TBX1: variants seen among roughly 807,000 people sequenced by gnomAD.
TBX1 encodes T-box transcription factor 1.
A neutral mutation model predicts 40.8 loss-of-function variants in TBX1; 16 were observed. The observed-to-expected ratio is 0.39, with a 90% CI of 0.27 to 0.60. The LOEUF (loss-of-function observed/expected upper bound fraction) is 0.60, where lower values mean the gene tolerates loss of function less well. TBX1 is among the 20% of genes least tolerant of loss of function. TBX1 has a pLI of 0.51. For missense variants in TBX1, 755 were observed against 728.5 expected, an observed-to-expected ratio of 1.04 and a Z score of -0.42; for synonymous variants, 403 against 336.8, an observed-to-expected ratio of 1.20 and a Z score of -2.15.
In TBX1 at chr22:19,767,022, C is replaced by T. The variant is rs1936885384; in HGVS notation, c.*155C>T. The T allele has an allele frequency of 7.4e-7, 1 of 1,354,104 alleles. No homozygotes were observed. The highest frequency in any genetic ancestry group is 9.5e-7 in the Non-Finnish European group (1 of 1,056,054). 83.9% of individuals were successfully genotyped at this position (1,354,104 alleles called of 1,614,324 possible). ...CCCCAGCCTCGAAGCCATGGGGGCCCCCTCGCCACCCCCAGCCCCTTGGGC... is the reference window on the plus strand; with the variant it reads ...CCCCAGCCTCGAAGCCATGGGGGCCTCCTCGCCACCCCCAGCCCCTTGGGC... On this transcript the variant is annotated 3_prime_UTR_variant, in exon 7 of 7. Transcript: ENST00000649276.
intron 8 of TBX1, among the ~76,000 whole-genome samples, chr22:19,773,055 C>G (rs1224408069): frequency 2.0e-5 from 3 of 152,224 alleles, no homozygotes; most frequent in Non-Finnish European, 4.4e-5. Flanking sequence ...AGAGTGGCCG[C>G]TAGCTGGTGG....
chr22:19,759,626 C>T (rs773143767), upstream of TBX1: 3 of 1,611,760 alleles, frequency 1.9e-6, no homozygotes, highest in African/African-American at 1.3e-5. Context: ...TCGCTGGCTG[C>T]CAGGATCCCC....
chr22:19,765,121 C>A lies in TBX1; in HGVS notation c.867+8C>A. ...GCCTACCAGAACCATCGGGTGAGGGCCTGTGGGGAGGACCTGAGCGGATTC... is the reference window on the plus strand; with the variant it reads ...GCCTACCAGAACCATCGGGTGAGGGACTGTGGGGAGGACCTGAGCGGATTC... On this transcript the variant is annotated splice_region_variant and intron_variant, in intron 4 of 6. Coordinates refer to ENST00000649276, the MANE Select transcript of TBX1 (RefSeq NM_001379200.1). The A allele has an allele frequency of 6.2e-7, 1 of 1,614,138 alleles. No homozygotes were observed. Among genetic ancestry groups the A allele is most frequent in the Non-Finnish European group, 8.5e-7 (1 of 1,180,018 alleles).
chr22:19,766,353 C>A, intron 6 of TBX1, 36 bp from the exon 7 acceptor site: 1 of 1,253,026 alleles, frequency 8.0e-7, no homozygotes, highest in Non-Finnish European at 1.0e-6. Context: ...TCGGCGGCCC[C>A]GGCCGGCCGC....
At chr22:19,776,382 A>T (rs898653149) in intron 8 of TBX1, among the ~76,000 whole-genome samples, 1 of 152,174 alleles carries the variant, frequency 6.6e-6, no homozygotes, top group Admixed American at 6.5e-5. Context: ...CAAAAGTGCC[A>T]AAGTGTCCAT....
rs1210841329 is a variant in TBX1, at chr22:19,760,901, G to A, written c.58G>A (p.Ala20Thr). Residue 20 changes from alanine to threonine, a missense_variant, in exon 1 of 7, where the codon GCA (alanine) becomes ACA (threonine). Transcript: ENST00000649276. Reference sequence around the variant, plus strand: ...GCAGCTCTCGCATTTCTGCGACGTTGCAGCCTTCACGGCCAGCAGCCTGAG... The same window carrying A: ...GCAGCTCTCGCATTTCTGCGACGTTACAGCCTTCACGGCCAGCAGCCTGAG... ...LTQLSHFCDV[A>T]AFTASSLSSL... is the part of the protein sequence containing the mutation. 4.7e-6 allele frequency: 5 copies of A among 1,058,852 alleles called. No individual in the cohort carries two copies. Among genetic ancestry groups the A allele is most frequent in the South Asian group, 2.5e-5 (1 of 40,000 alleles). The allele number at this position is 1,058,852 out of a possible 1,614,324, so 65.6% of individuals were successfully genotyped here.
At chr22:19,783,398 C>T (rs1937161124), downstream of TBX1, 2 of 335,680 alleles carry the variant, frequency 6.0e-6, no homozygotes, top group Non-Finnish European at 1.2e-5. Context: ...GCCACCTGCA[C>T]AGCTGGATGG....
rs72646953 is a variant in TBX1, at chr22:19,761,167, G to A, written c.324G>A (p.Ala108=). 0.03 allele frequency: 46,191 copies of A among 1,520,306 alleles called. 831 individuals are homozygous for A. The highest frequency in any genetic ancestry group is 0.035 in the Non-Finnish European group (39,715 of 1,130,128). The allele number at this position is 1,520,306 out of a possible 1,614,324, so 94.2% of individuals were successfully genotyped here. The change falls in exon 1 of 7, where the codon GCG becomes GCA. Residue 108 remains alanine (A), a synonymous_variant. Transcript: ENST00000649276. ...PGASCAAAAK[A]PVKKNAKVAG... ...CCAGCTGCGCGGCCGCAGCCAAGGC[G>A]CCGGTGAAGAAGAACGCGAAGGTGG...
chr22:19,771,580 A>G (rs542979042), downstream of TBX1, among the ~76,000 whole-genome samples: 1 of 152,300 alleles, frequency 6.6e-6, no homozygotes, highest in East Asian at 1.9e-4. Flanking sequence ...ATCAGCTTTC[A>G]ATTGCACAAA....
Position 19,767,088 on chromosome 22 carries a change from G to A in TBX1, c.*221G>A, listed in dbSNP as rs1936887926. 7.9e-7 allele frequency: 1 copy of A among 1,267,268 alleles called. No individual in the cohort carries two copies. The highest frequency in any genetic ancestry group is 2.7e-5 in the South Asian group (1 of 37,252). The allele number at this position is 1,267,268 out of a possible 1,614,324, so 78.5% of individuals were successfully genotyped here. On this transcript the variant is annotated 3_prime_UTR_variant, in exon 7 of 7. Transcript: ENST00000649276. The stretch of plus-strand genomic sequence containing the variant: ...TTCCCCAGTCCCTGGAGCCACCGCG[G>A]GTCCTTCCCCGGCCCCGAGGGCCAA...
chr22:19,758,343 G>C (rs1936532418), upstream of TBX1, among the ~76,000 whole-genome samples: 1 of 152,192 alleles, frequency 6.6e-6, no homozygotes, highest in South Asian at 2.1e-4. Flanking sequence ...AAGGCACAGA[G>C]GCACAGAGCT....
In TBX1 at chr22:19,766,762, AGCCGCCGCGGCC is replaced by A. The variant is rs751264690; in HGVS notation, c.1419_1430del (p.Ala482_Ala485del). 2.3e-4 allele frequency: 342 copies of A among 1,488,590 alleles called. 1 individual carries two copies. Among genetic ancestry groups the A allele is most frequent in the Non-Finnish European group, 3.0e-4 (336 of 1,133,686 alleles). 92.2% of individuals were successfully genotyped at this position (1,488,590 alleles called of 1,614,324 possible). ...ACCACCACCACCACCCCGTGAGTCCAGCCGCCGCGGCCGCCGCCGCCGCTGCCGCAGCTGCCG... is the reference window on the plus strand; with the variant it reads ...ACCACCACCACCACCCCGTGAGTCCAGCCGCCGCCGCTGCCGCAGCTGCCG... On this transcript the variant is annotated inframe_deletion, in exon 7 of 7. Transcript: ENST00000649276.
downstream of TBX1, among the ~76,000 whole-genome samples, chr22:19,767,852 C>T (rs1372135250): frequency 6.6e-6 from 1 of 152,254 alleles, no homozygotes; most frequent in Non-Finnish European, 1.5e-5. Flanking sequence ...CAGCACTGTT[C>T]TGCTAGCATT....
chr22:19,762,961 G>C (rs1749817209), intron 1 of TBX1, among the ~76,000 whole-genome samples: 1 of 152,224 alleles, frequency 6.6e-6, no homozygotes, highest in Non-Finnish European at 1.5e-5. Flanking sequence ...GTTTATGTAG[G>C]CCAAGGTTGC....
intron 3 of TBX1, 151 bp from the exon 4 acceptor site, chr22:19,764,807 A>G (rs1463230199): frequency 1.0e-6 from 1 of 961,400 alleles, no homozygotes; most frequent in Non-Finnish European, 1.6e-6. Context: ...CTCTTGGCCC[A>G]GTGACCCAGC....
At chr22:19,771,485 G>T (rs933808957), downstream of TBX1, among the ~76,000 whole-genome samples, 1 of 152,206 alleles carries the variant, frequency 6.6e-6, no homozygotes, top group Non-Finnish European at 1.5e-5. Flanking sequence ...CAGCCCATGT[G>T]GGGGAGAGGC....
intron 2 of TBX1, chr22:19,763,636 A>C: frequency 2.1e-6 from 1 of 473,502 alleles, no homozygotes; most frequent in Non-Finnish European, 3.8e-6. Flanking sequence ...GGACTTCTTC[A>C]AGTCTCCCTC....
chr22:19,783,435 A>G, downstream of TBX1: 1 of 302,846 alleles, frequency 3.3e-6, no homozygotes, highest in Non-Finnish European at 6.5e-6. Context: ...AAAGGCCATG[A>G]GTTACTCGGG....
chr22:19,776,434 C>T (rs1937066251), intron 8 of TBX1, among the ~76,000 whole-genome samples: 1 of 152,142 alleles, frequency 6.6e-6, no homozygotes, highest in Admixed American at 6.5e-5. Flanking sequence ...TAGAAGAGCT[C>T]ATGTTCCAGC....
Sources: allele counts gnomAD v4.1 joint callset (sites outside exome capture counted in the v4.1 genomes callset), GRCh38; gene constraint gnomAD v4.1.1; transcripts MANE v1.5; gene names NCBI Gene and HGNC (gene_info 2026-07-23, HGNC 2026-07-21).